The following MSRA variants were observed in gnomAD, a reference collection of about 807,000 sequenced individuals.
The protein encoded by MSRA is methionine sulfoxide reductase A.
MSRA carries 54 observed loss-of-function variants against 31.3 expected under a neutral mutation model. The ratio of observed to expected loss-of-function variants is 1.73; its 90% CI spans 1.39 to 2.17. MSRA has a LOEUF of 2.17. Ranked by LOEUF, MSRA falls within the 30% of genes most tolerant of loss-of-function variation. The pLI, the probability that MSRA is intolerant of heterozygous loss-of-function variation, is 0.00. For synonymous variants in MSRA, 169 were observed against 116.5 expected, an observed-to-expected ratio of 1.45 and a Z score of -2.90; for missense variants, 507 against 300.9, an observed-to-expected ratio of 1.69 and a Z score of -5.07.
At chr8:10,234,674 G>A (rs893989545) in intron 2 of MSRA, among the ~76,000 whole-genome samples, 5 of 151,990 alleles carry the variant, frequency 3.3e-5, no homozygotes, top group African/African-American at 9.7e-5. Flanking sequence ...CCAAAATCCT[G>A]TTATATGCTG....
intron 2 of MSRA, among the ~76,000 whole-genome samples, chr8:10,212,307 G>T (rs558882138): frequency 1.3e-5 from 2 of 152,100 alleles, no homozygotes. Flanking sequence ...AATAATGAGG[G>T]ATAAACCTGG....
intron 3 of MSRA, among the ~76,000 whole-genome samples, chr8:10,269,089 T>A (rs532626977): frequency 6.6e-6 from 1 of 152,362 alleles, no homozygotes. Flanking sequence ...TATTGGCAGT[T>A]GAAAATAGAG....
chr8:10,086,885 A>G (rs1162124650), intron 1 of MSRA, among the ~76,000 whole-genome samples: 1 of 149,502 alleles, frequency 6.7e-6, no homozygotes, highest in Non-Finnish European at 1.5e-5. Context: ...AGGGAGAGAG[A>G]GAGGGAGAGG....
intron 1 of MSRA, among the ~76,000 whole-genome samples, chr8:10,096,719 A>G (rs1348198799): frequency 1.3e-5 from 2 of 152,314 alleles, no homozygotes; most frequent in Middle Eastern, 3.4e-3. Context: ...TTTCTGAACA[A>G]TGAATCTTTC....
intron 3 of MSRA, among the ~76,000 whole-genome samples, chr8:10,300,639 G>A (rs956524713): frequency 6.6e-6 from 1 of 152,000 alleles, no homozygotes; most frequent in African/African-American, 2.4e-5. Context: ...CACCCTCCTC[G>A]GCCTCTCAAA....
chr8:10,377,142 G>A (rs747076091), intron 5 of MSRA, among the ~76,000 whole-genome samples: 1 of 152,268 alleles, frequency 6.6e-6, no homozygotes, highest in African/African-American at 2.4e-5. Flanking sequence ...CCCACTGAAC[G>A]TAATGATCGC....
At chr8:10,250,442 G>A in intron 3 of MSRA, 1 of 702,454 alleles carries the variant, frequency 1.4e-6, no homozygotes, top group African/African-American at 1.7e-5. Context: ...ACAATTCCAT[G>A]TTTATTAGTC....
intron 1 of MSRA, among the ~76,000 whole-genome samples, chr8:10,085,040 C>G (rs552055142): frequency 7.2e-5 from 11 of 152,074 alleles, no homozygotes; most frequent in South Asian, 2.1e-4. Context: ...ATAAATCGTA[C>G]TATGGTTTTA....
intron 2 of MSRA, among the ~76,000 whole-genome samples, chr8:10,208,280 T>G (rs1004106018): frequency 6.6e-6 from 1 of 152,194 alleles, no homozygotes; most frequent in African/African-American, 2.4e-5. Context: ...TGACTTATTA[T>G]TACACAAAGA....
chr8:10,237,938 G>A (rs1812091441), intron 2 of MSRA, among the ~76,000 whole-genome samples: 1 of 152,086 alleles, frequency 6.6e-6, no homozygotes, highest in Admixed American at 6.5e-5. Context: ...ATTCTCAACC[G>A]AGGACAGCCA....
chr8:10,420,088 G>A (rs1362779618), intron 5 of MSRA, among the ~76,000 whole-genome samples: 1 of 152,178 alleles, frequency 6.6e-6, no homozygotes, highest in Non-Finnish European at 1.5e-5. Flanking sequence ...ACGTAGAGTG[G>A]AATAGTGTGC....
chr8:10,260,583 C>A (rs1798427092), intron 3 of MSRA, among the ~76,000 whole-genome samples: 1 of 152,176 alleles, frequency 6.6e-6, no homozygotes, highest in South Asian at 2.1e-4. Flanking sequence ...ACCACAAATG[C>A]CTGCTAGGAA....
Position 10,228,635 on chromosome 8 carries a change from A to G in MSRA, c.212-16469A>G, listed in dbSNP as rs553626237. 3.3e-5 allele frequency among the ~76,000 whole-genome samples: 5 copies of G among 152,292 alleles called. No individual in the cohort carries two copies. The South Asian group carries it at 8.3e-4, about 25-fold the overall frequency. On this transcript the variant is annotated intron_variant, in intron 2 of 5. Coordinates refer to ENST00000317173, the MANE Select transcript of MSRA (RefSeq NM_012331.5). ...CTTCTGACGTTGTTTCCAGGGAGGT[A>G]TAGCAGAAAGGACGTCGGCTTTGAA...
chr8:10,357,518 C>CTTTGGG (rs1804577433), intron 5 of MSRA, among the ~76,000 whole-genome samples: 1 of 152,164 alleles, frequency 6.6e-6, no homozygotes, highest in Non-Finnish European at 1.5e-5. Flanking sequence ...ATTTTCCTAT[C>CTTTGGG]TTTGACCAGC....
intron 1 of MSRA, among the ~76,000 whole-genome samples, chr8:10,093,639 CTA>C (rs1263042831): frequency 1.3e-5 from 2 of 152,144 alleles, no homozygotes; most frequent in African/African-American, 4.8e-5. Flanking sequence ...AAAAATTAAA[CTA>C]TGTTACATTT....
chr8:10,145,627 C>A (rs1204204430), intron 1 of MSRA, among the ~76,000 whole-genome samples: 3 of 152,182 alleles, frequency 2.0e-5, no homozygotes, highest in African/African-American at 4.8e-5. Context: ...ACCCTGTGAC[C>A]TGTTCACTTT....
At chr8:10,329,715 A>T (rs1802580187) in intron 5 of MSRA, among the ~76,000 whole-genome samples, 2 of 151,890 alleles carry the variant, frequency 1.3e-5, no homozygotes, top group South Asian at 2.1e-4. Context: ...CGGGCTGCTT[A>T]GGAGAGGTGG....
chr8:10,352,973 G>A (rs1046840524), intron 5 of MSRA, among the ~76,000 whole-genome samples: 5 of 151,992 alleles, frequency 3.3e-5, no homozygotes, highest in Non-Finnish European at 7.4e-5. Flanking sequence ...CTGTCTTTGC[G>A]GTGTGCTCTG....
At chr8:10,119,691 G>T (rs940633324) in intron 1 of MSRA, among the ~76,000 whole-genome samples, 1 of 152,210 alleles carries the variant, frequency 6.6e-6, no homozygotes, top group African/African-American at 2.4e-5. Flanking sequence ...CAGGTTGTCA[G>T]TGAAGACAGT....
Sources: gnomAD v4.1 joint callset for allele counts (sites outside exome capture counted in the v4.1 genomes callset) on GRCh38, gnomAD v4.1.1 for gene constraint, MANE v1.5 for transcripts, NCBI Gene and HGNC (gene_info 2026-07-23, HGNC 2026-07-21) for gene names.